Variants in SUN3 observed in about 807,000 individuals in gnomAD.
SUN3 encodes the protein SUN domain-containing protein 3.
SUN3 carries 36 observed loss-of-function variants against 48.2 expected under a neutral mutation model. The observed-to-expected ratio is 0.75, with a 90% CI of 0.57 to 0.99. The LOEUF is 0.99. SUN3 is among the 50% of genes least tolerant of loss of function. The pLI, the probability that SUN3 is intolerant of heterozygous loss-of-function variation, is 0.00. For missense variants in SUN3, 419 were observed against 433.1 expected, an observed-to-expected ratio of 0.97 and a Z score of 0.29; for synonymous variants, 148 against 147.9, an observed-to-expected ratio of 1.00 and a Z score of 0.00.
In SUN3 at chr7:48,006,015, C is replaced by T; in HGVS notation, c.531G>A (p.Leu177=). The part of the protein sequence containing the change: ...SNLVNYVLKK[L]REDQVEMADY... ...CAGCCATCTCGACTTGGTCTTCTCT[C>T]AACTTTTTAAGTACATAATTGACCA... The change falls in exon 6 of 10, where the codon TTG becomes TTA. Residue 177 remains leucine (L), a synonymous_variant. Transcript: ENST00000297325. The T allele has an allele frequency of 6.2e-7, 1 of 1,613,408 alleles. No individual in the cohort carries two copies. The highest frequency in any genetic ancestry group is 1.3e-5 in the African/African-American group (1 of 74,950).
At chr7:48,006,566 A>C (rs1204538220) in intron 5 of SUN3, among the ~76,000 whole-genome samples, 1 of 152,170 alleles carries the variant, frequency 6.6e-6, no homozygotes. Flanking sequence ...CAAACAAACA[A>C]AACCAAAAGC....
chr7:48,030,083 C>A (rs1405143038), upstream of SUN3, among the ~76,000 whole-genome samples: 1 of 152,178 alleles, frequency 6.6e-6, no homozygotes, highest in African/African-American at 2.4e-5. Context: ...TATTGCTTCT[C>A]TGCCACTGCC....
intron 3 of SUN3, among the ~76,000 whole-genome samples, chr7:48,012,344 GAAAT>G (rs971355604): frequency 3.3e-5 from 5 of 151,984 alleles, no homozygotes; most frequent in African/African-American, 9.7e-5. Context: ...GGCTGGCAAA[GAAAT>G]AGCCATGGGC....
At chr7:48,002,930 A>C (rs1050112400) in intron 6 of SUN3, among the ~76,000 whole-genome samples, 41 of 151,450 alleles carry the variant, frequency 2.7e-4, no homozygotes, top group African/African-American at 8.7e-4. Context: ...GATGCGCTTT[A>C]TTTCTTTCTT....
intron 6 of SUN3, 66 bp downstream of exon 6, chr7:48,005,903 A>G: frequency 3.0e-6 from 3 of 1,010,832 alleles, no homozygotes; most frequent in Non-Finnish European, 4.4e-6. Flanking sequence ...AAATGTAGAG[A>G]ATAGGGACAT....
At chr7:48,015,216 A>G (rs1789778871) in intron 3 of SUN3, among the ~76,000 whole-genome samples, 1 of 152,148 alleles carries the variant, frequency 6.6e-6, no homozygotes, top group Admixed American at 6.5e-5. Context: ...ATCCAGCTTC[A>G]GCTCCCATGG....
At chr7:48,035,025 A>T in the SUN3 span, among the ~76,000 whole-genome samples, 1 of 152,132 alleles carries the variant, frequency 6.6e-6, no homozygotes, top group Non-Finnish European at 1.5e-5. The surrounding 1 kb of genome is among the most constrained non-coding windows in gnomAD (Gnocchi z 4.0). Flanking sequence ...TCCTTTACTA[A>T]GTGAATCATT....
chr7:48,003,029 C>CTT (rs58133143), intron 6 of SUN3, among the ~76,000 whole-genome samples: 4 of 147,932 alleles, frequency 2.7e-5, no homozygotes, highest in African/African-American at 1.0e-4. Flanking sequence ...CCAGGGTTTT[C>CTT]TTTTTTTTTT....
intron 2 of SUN3, among the ~76,000 whole-genome samples, chr7:48,025,666 A>G (rs562602501): frequency 6.6e-6 from 1 of 152,360 alleles, no homozygotes; most frequent in South Asian, 2.1e-4. Flanking sequence ...TAAAAGAAAA[A>G]TCTCCTTTCT....
chr7:47,990,935 C>T, intron 8 of SUN3: 1 of 405,774 alleles, frequency 2.5e-6, no homozygotes, highest in South Asian at 1.6e-5. Context: ...GCAACAGACA[C>T]TGAGATCTAC....
At chr7:48,015,171 G>A (rs1216841983) in intron 3 of SUN3, among the ~76,000 whole-genome samples, 2 of 152,138 alleles carry the variant, frequency 1.3e-5, no homozygotes, top group African/African-American at 4.8e-5. Flanking sequence ...ACCACTCTGC[G>A]TGCTCATCTC....
intron 2 of SUN3, among the ~76,000 whole-genome samples, chr7:48,020,733 T>G (rs1206074682): frequency 6.6e-6 from 1 of 151,706 alleles, no homozygotes; most frequent in Non-Finnish European, 1.5e-5. Flanking sequence ...ACCAAAGAAG[T>G]GAAAGATCTC....
intron 3 of SUN3, among the ~76,000 whole-genome samples, chr7:48,015,688 A>C (rs1789792094): frequency 6.6e-6 from 1 of 152,232 alleles, no homozygotes. Flanking sequence ...ATCTTCCCCC[A>C]GAGCAGCAGT....
chr7:48,024,824 C>T (rs921176046), intron 2 of SUN3, among the ~76,000 whole-genome samples: 1 of 152,110 alleles, frequency 6.6e-6, no homozygotes, highest in African/African-American at 2.4e-5. Flanking sequence ...AGTGACAACT[C>T]ATTACTGTAA....
chr7:48,033,157 C>A (rs907833381), upstream of SUN3, among the ~76,000 whole-genome samples: 21 of 152,156 alleles, frequency 1.4e-4, no homozygotes, highest in East Asian at 5.8e-4. Context: ...TTGAGATATT[C>A]TTATTATAAA....
intron 6 of SUN3, among the ~76,000 whole-genome samples, chr7:48,003,094 A>G (rs1789431890): frequency 6.6e-6 from 1 of 151,338 alleles, no homozygotes; most frequent in African/African-American, 2.4e-5. Flanking sequence ...TAATTTTTGT[A>G]TATGGTATAT....
chr7:48,012,892 C>G (rs1789720598), intron 3 of SUN3, among the ~76,000 whole-genome samples: 1 of 152,172 alleles, frequency 6.6e-6, no homozygotes, highest in East Asian at 1.9e-4. Flanking sequence ...AGTTTAGGCC[C>G]TTTTCGCCCT....
chr7:48,023,639 T>C (rs1489666082), intron 2 of SUN3, among the ~76,000 whole-genome samples: 2 of 152,204 alleles, frequency 1.3e-5, no homozygotes, highest in Non-Finnish European at 2.9e-5. Flanking sequence ...AGGCAGAGGC[T>C]GGCAGAATGA....
At chr7:48,017,402 C>A in intron 2 of SUN3, 37 bp from the exon 3 acceptor site, 1 of 1,148,474 alleles carries the variant, frequency 8.7e-7, no homozygotes, top group East Asian at 2.4e-5. Flanking sequence ...TAAAGAGTTT[C>A]TCTGGAAACA....
Sources: gnomAD v4.1 joint callset for allele counts (sites outside exome capture counted in the v4.1 genomes callset) on GRCh38, gnomAD v4.1.1 for gene constraint, Gnocchi (gnomAD v3.1) non-coding constraint, MANE v1.5 for transcripts, NCBI Gene and HGNC (gene_info 2026-07-23, HGNC 2026-07-21) for gene names.